The following USP26 variants were observed in gnomAD, a reference collection of about 807,000 sequenced individuals.
USP26 encodes ubiquitin carboxyl-terminal hydrolase 26.
For synonymous variants in USP26, 236 were observed against 240.6 expected (o/e 0.98, Z 0.18); for missense variants, 649 against 642.3 (o/e 1.01, Z -0.11).
At chrX:133,092,158 A>G (rs1174056305) in intron 1 of USP26, among the ~76,000 whole-genome samples, 1 of 111,964 alleles carries the variant, frequency 8.9e-6, no homozygotes, top group East Asian at 2.8e-4. Context: ...ATCAGACAAG[A>G]CTATTGCTTC....
chrX:133,068,206 A>G (rs2067518762), intron 5 of USP26, among the ~76,000 whole-genome samples: 1 of 111,865 alleles, frequency 8.9e-6, no homozygotes, highest in Non-Finnish European at 1.9e-5. Context: ...AATATTGAAT[A>G]CCAGTGGACA....
At chrX:133,093,589 C>T (rs1373847028) in intron 1 of USP26, among the ~76,000 whole-genome samples, 2 of 107,846 alleles carry the variant, frequency 1.9e-5, no homozygotes, top group African/African-American at 6.8e-5. Flanking sequence ...CACGATGGCA[C>T]CACTGCACTC....
chrX:133,053,708 C>T (rs183062881), intron 5 of USP26, among the ~76,000 whole-genome samples: 1 of 111,376 alleles, frequency 9.0e-6, no homozygotes, highest in African/African-American at 3.3e-5. Flanking sequence ...TGCACGGCAA[C>T]GGGCCACAAA....
At chrX:133,096,810 G>C (rs1180259928) in intron 1 of USP26, among the ~76,000 whole-genome samples, 3 of 111,584 alleles carry the variant, frequency 2.7e-5, no homozygotes, top group Non-Finnish European at 5.7e-5. Context: ...CAGGAGAATC[G>C]CTTAAACCCA....
Position 133,027,889 on chromosome X carries a change from C to T in USP26, c.332G>A (p.Arg111Lys), listed in dbSNP as rs191508023. ...AAAGACACTCCCACCCTTACCAGGTCTCACAGGTGGCTGAACCTCGTTTTG... is the reference window on the plus strand; with the variant it reads ...AAAGACACTCCCACCCTTACCAGGTTTCACAGGTGGCTGAACCTCGTTTTG... ...VHQNEVQPPV[R>K]PGKGGSVFSS... The change falls in exon 6 of 6, where the codon AGA becomes AAA. Residue 111 changes from arginine to lysine, a missense_variant. By Grantham distance (26) the Arg-to-Lys change is conservative. Coordinates refer to ENST00000511190, the MANE Select transcript of USP26 (RefSeq NM_031907.3). The T allele has an allele frequency of 8.3e-7, 1 of 1,208,589 alleles. No homozygotes were observed. Among genetic ancestry groups the T allele is most frequent in the East Asian group, 3.0e-5 (1 of 33,739 alleles).
At position 133,024,475 on chromosome X, in the gene USP26, C is replaced by T. The variant is rs1266113960; in HGVS notation, c.*1004G>A. On this transcript the variant is annotated 3_prime_UTR_variant, in exon 6 of 6. Coordinates refer to ENST00000511190, the MANE Select transcript of USP26 (RefSeq NM_031907.3). ...CTAGCAGACACACAGGAAATGTGGG[C>T]CAATTTCTTAAAAGCAAATCAATCT... is the stretch of plus-strand genomic sequence containing the variant. Among the ~76,000 whole-genome samples the T allele has an allele frequency of 9.0e-6, 1 of 111,542 alleles. No individual in the cohort carries two copies. The highest frequency in any genetic ancestry group is 1.9e-5 in the Non-Finnish European group (1 of 53,142).
Position 133,028,564 on chromosome X carries a change from T to C in USP26, c.-76-268A>G, listed in dbSNP as rs749039650. The stretch of plus-strand genomic sequence containing the variant: ...CAACAAAACTCAAACTCTACACTCA[T>C]ACACTACATGTAGTTTCCACCAAAA... On this transcript the variant is annotated intron_variant, in intron 5 of 5. Coordinates refer to ENST00000511190, the MANE Select transcript of USP26 (RefSeq NM_031907.3). Among the ~76,000 whole-genome samples the C allele has an allele frequency of 7.1e-5, 8 of 112,316 alleles. No individual in the cohort carries two copies. The East Asian group carries it at 2.2e-3, about 31-fold the overall frequency.
rs182652912 is a variant in USP26, at chrX:133,044,224, G to T, written c.-76-15928C>A. Among the ~76,000 whole-genome samples, 180 of 113,201 alleles carry T rather than the reference G, an allele frequency of 1.6e-3. 1 individual carries two copies. In the Middle Eastern group the frequency reaches 0.037, roughly 23 times the overall value. The stretch of plus-strand genomic sequence containing the variant: ...AGGTGACAGCATGCTGGCAGCCCTC[G>T]CAGCCCTCGCTCACTCTTGGCGCCT... On this transcript the variant is annotated intron_variant, in intron 5 of 5. Transcript: ENST00000511190.
chrX:133,067,266 C>A (rs1234847392), intron 5 of USP26, among the ~76,000 whole-genome samples: 4 of 112,588 alleles, frequency 3.6e-5, no homozygotes, highest in Non-Finnish European at 7.5e-5. Context: ...AACTCTTTTA[C>A]ACTGTAGGTG....
At chrX:133,063,956 C>T (rs1198843202) in intron 5 of USP26, among the ~76,000 whole-genome samples, 2 of 111,886 alleles carry the variant, frequency 1.8e-5, no homozygotes, top group East Asian at 5.6e-4. Context: ...AGAATAAAGA[C>T]CCATTGGTAT....
chrX:133,030,581 A>G (rs2067372653), intron 5 of USP26, among the ~76,000 whole-genome samples: 1 of 112,013 alleles, frequency 8.9e-6, no homozygotes, highest in South Asian at 3.8e-4. Context: ...AATCGTCACA[A>G]TAAAAGAGGG....
chrX:133,030,984 G>A (rs1445902973), intron 5 of USP26, among the ~76,000 whole-genome samples: 1 of 111,731 alleles, frequency 9.0e-6, no homozygotes, highest in Non-Finnish European at 1.9e-5. Context: ...CTGCTGACAT[G>A]AGTACAGACT....
intron 5 of USP26, among the ~76,000 whole-genome samples, chrX:133,069,837 T>C (rs2067525044): frequency 9.0e-6 from 1 of 111,643 alleles, no homozygotes; most frequent in Non-Finnish European, 1.9e-5. Flanking sequence ...AAGAGTGCTC[T>C]TGACAACCAT....
chrX:133,095,154 A>G (rs533503763), intron 1 of USP26, among the ~76,000 whole-genome samples: 1 of 110,969 alleles, frequency 9.0e-6, no homozygotes, highest in African/African-American at 3.3e-5. Flanking sequence ...AAAATGCCAC[A>G]AAACATTCTT....
intron 5 of USP26, among the ~76,000 whole-genome samples, chrX:133,073,811 C>T (rs1055253462): frequency 9.0e-6 from 1 of 111,531 alleles, no homozygotes; most frequent in Non-Finnish European, 1.9e-5. Context: ...ACATTCACCA[C>T]TTAGTTGCAT....
chrX:133,067,973 T>A (rs1325417524), intron 5 of USP26, among the ~76,000 whole-genome samples: 1 of 111,889 alleles, frequency 8.9e-6, no homozygotes, highest in Non-Finnish European at 1.9e-5. Context: ...AGTGCCTCAA[T>A]AGCAAAGACA....
intron 5 of USP26, among the ~76,000 whole-genome samples, chrX:133,037,370 T>C (rs1392744035): frequency 8.9e-6 from 1 of 112,460 alleles, no homozygotes; most frequent in African/African-American, 3.2e-5. Context: ...AAGAAGAGGC[T>C]CCAGTTTCTG....
At chrX:133,045,566 A>G (rs1283659535) in intron 5 of USP26, among the ~76,000 whole-genome samples, 1 of 111,538 alleles carries the variant, frequency 9.0e-6, no homozygotes, top group African/African-American at 3.3e-5. Flanking sequence ...AAAGGTCTAC[A>G]CCTTCACTCC....
chrX:133,054,763 T>A lies in USP26; in HGVS notation c.-76-26467A>T, dbSNP rs745530168. Among the ~76,000 whole-genome samples the A allele has an allele frequency of 6.2e-5, 7 of 112,105 alleles. No individual in the cohort carries two copies. In the East Asian group the frequency reaches 1.4e-3, roughly 22 times the overall value. ...ATGCCTAACGATACAACCTAAATAA[T>A]CATAGCAAACCCTGCCCTCAAGATC... On this transcript the variant is annotated intron_variant, in intron 5 of 5. Coordinates refer to ENST00000511190, the MANE Select transcript of USP26 (RefSeq NM_031907.3).
Sources: allele counts gnomAD v4.1 joint callset (sites outside exome capture counted in the v4.1 genomes callset), GRCh38; gene constraint gnomAD v4.1.1; transcripts MANE v1.5; gene names NCBI Gene and HGNC (gene_info 2026-07-23, HGNC 2026-07-21).